Variants in BTC observed in about 807,000 individuals in gnomAD.
BTC encodes betacellulin, also known as probetacellulin.
A neutral mutation model predicts 18.1 loss-of-function variants in BTC; 13 were observed. That is an observed-to-expected ratio of 0.72 (90% confidence interval 0.47 to 1.14). The LOEUF (loss-of-function observed/expected upper bound fraction) is 1.14, where lower values mean the gene tolerates loss of function less well. Ranked by LOEUF, BTC falls within the 50% of genes most tolerant of loss-of-function variation. The pLI, the probability that BTC is intolerant of heterozygous loss-of-function variation, is 0.00. For synonymous variants in BTC, 83 were observed against 79.4 expected (o/e 1.05, Z -0.24); for missense variants, 247 against 224.2 (o/e 1.10, Z -0.65).
intron 1 of BTC, among the ~76,000 whole-genome samples, chr4:74,792,143 G>A (rs533297065): frequency 5.9e-5 from 9 of 152,262 alleles, no homozygotes; most frequent in Middle Eastern, 3.4e-3. Flanking sequence ...TGGAAACAGC[G>A]ATGCCAACAA....
At chr4:74,766,866 A>C (rs1724914820) in intron 2 of BTC, among the ~76,000 whole-genome samples, 1 of 152,064 alleles carries the variant, frequency 6.6e-6, no homozygotes, top group African/African-American at 2.4e-5. Flanking sequence ...CATTTTGACA[A>C]AATTCAACAC....
chr4:74,783,151 G>A (rs1351815145), intron 1 of BTC, among the ~76,000 whole-genome samples: 3 of 152,118 alleles, frequency 2.0e-5, no homozygotes, highest in Non-Finnish European at 4.4e-5. Context: ...TGCTTTTGGT[G>A]TTTTTGTCAT....
At chr4:74,787,737 T>A (rs1235200589) in intron 1 of BTC, among the ~76,000 whole-genome samples, 2 of 152,224 alleles carry the variant, frequency 1.3e-5, no homozygotes, top group Non-Finnish European at 2.9e-5. Context: ...GCATATACTA[T>A]GTTTTAGGGA....
At chr4:74,782,195 C>T (rs1322703181) in intron 1 of BTC, among the ~76,000 whole-genome samples, 2 of 151,952 alleles carry the variant, frequency 1.3e-5, no homozygotes, top group Non-Finnish European at 2.9e-5. Flanking sequence ...TGGTTTGCTA[C>T]ACACATCATC....
At chr4:74,772,981 A>G (rs1474398447) in intron 1 of BTC, among the ~76,000 whole-genome samples, 2 of 152,138 alleles carry the variant, frequency 1.3e-5, no homozygotes, top group Non-Finnish European at 2.9e-5. Context: ...CAGTTGGCAA[A>G]AGGAGTTTGC....
chr4:74,786,665 G>A (rs770117222), intron 1 of BTC, among the ~76,000 whole-genome samples: 2 of 152,186 alleles, frequency 1.3e-5, no homozygotes, highest in African/African-American at 4.8e-5. Context: ...ATTCAAGGGT[G>A]TTTTTAAATA....
At chr4:74,770,228 C>T (rs1725003952) in intron 1 of BTC, 72 bp from the exon 2 acceptor site, 36 of 1,098,848 alleles carry the variant, frequency 3.3e-5, no homozygotes, top group Non-Finnish European at 4.5e-5. Context: ...TCAAAGTCAT[C>T]ACCCATTTCA....
intron 2 of BTC, among the ~76,000 whole-genome samples, chr4:74,765,762 A>G (rs1724884894): frequency 6.6e-6 from 1 of 152,192 alleles, no homozygotes; most frequent in Non-Finnish European, 1.5e-5. Flanking sequence ...TCACGCACAA[A>G]GAAACCTCCA....
intron 3 of BTC, among the ~76,000 whole-genome samples, chr4:74,755,527 A>G (rs181472798): frequency 3.3e-5 from 5 of 152,292 alleles, no homozygotes; most frequent in Non-Finnish European, 5.9e-5. Flanking sequence ...ACCACCAAAC[A>G]CTTGCCAGAA....
chr4:74,793,934 C>T (rs1294359864), intron 1 of BTC, among the ~76,000 whole-genome samples: 4 of 151,242 alleles, frequency 2.6e-5, no homozygotes, highest in African/African-American at 9.7e-5. Flanking sequence ...CGGTGGACAG[C>T]CCGCCGGCGC....
At chr4:74,772,652 CAAA>C (rs1179856738) in intron 1 of BTC, among the ~76,000 whole-genome samples, 2 of 91,146 alleles carry the variant, frequency 2.2e-5, no homozygotes, top group Non-Finnish European at 2.4e-5. Flanking sequence ...ATGGTGAGAA[CAAA>C]AAAAAAAAAA....
intron 1 of BTC, among the ~76,000 whole-genome samples, chr4:74,772,742 CTTAAG>C (rs1402219955): frequency 6.6e-6 from 1 of 151,848 alleles, no homozygotes; most frequent in East Asian, 1.9e-4. Context: ...TATTGTAAAA[CTTAAG>C]TTTATTTTTA....
At chr4:74,771,004 AGAAGGAGGATAC>A (rs761725419) in intron 1 of BTC, among the ~76,000 whole-genome samples, 6 of 151,750 alleles carry the variant, frequency 4.0e-5, no homozygotes, top group Non-Finnish European at 7.4e-5. Flanking sequence ...ATCCAACATG[AGAAGGAGGATAC>A]GAAGAAGTGA....
chr4:74,781,693 T>C (rs1725336287), intron 1 of BTC, among the ~76,000 whole-genome samples: 1 of 151,932 alleles, frequency 6.6e-6, no homozygotes, highest in South Asian at 2.1e-4. Context: ...CTCTGTCTTT[T>C]TTTTTCACTT....
intron 2 of BTC, among the ~76,000 whole-genome samples, chr4:74,758,950 T>TACAC (rs370397248): frequency 6.6e-6 from 1 of 151,030 alleles, no homozygotes; most frequent in African/African-American, 2.4e-5. Flanking sequence ...CACATAAATA[T>TACAC]ACACACACAC....
At chr4:74,753,191 T>C (rs1724510236) in intron 3 of BTC, among the ~76,000 whole-genome samples, 1 of 152,202 alleles carries the variant, frequency 6.6e-6, no homozygotes, top group South Asian at 2.1e-4. Context: ...AAATCAAAAA[T>C]AATTTTTAAA....
intron 1 of BTC, among the ~76,000 whole-genome samples, chr4:74,772,794 G>T (rs941691438): frequency 2.6e-5 from 4 of 152,130 alleles, no homozygotes; most frequent in African/African-American, 4.8e-5. Flanking sequence ...TATACAATTT[G>T]CAGTCCAGTT....
chr4:74,779,986 G>T (rs918442038), intron 1 of BTC, among the ~76,000 whole-genome samples: 6 of 152,072 alleles, frequency 3.9e-5, no homozygotes, highest in African/African-American at 1.2e-4. Context: ...AAATCAAAAA[G>T]TTTCACAGAA....
chr4:74,786,320 C>G (rs886908027), intron 1 of BTC, among the ~76,000 whole-genome samples: 2 of 152,180 alleles, frequency 1.3e-5, no homozygotes, highest in Admixed American at 6.5e-5. Context: ...TGGCCTGGAC[C>G]ATGCAGCTCA....
Sources: gnomAD v4.1 joint callset for allele counts (sites outside exome capture counted in the v4.1 genomes callset) on GRCh38, gnomAD v4.1.1 for gene constraint, MANE v1.5 for transcripts, NCBI Gene and HGNC (gene_info 2026-07-23, HGNC 2026-07-21) for gene names.